BABAM2: variants seen among roughly 807,000 people sequenced by gnomAD.
BABAM2 encodes BRISC and BRCA1-A complex member 2.
BABAM2 carries 31 observed loss-of-function variants against 54.7 expected under a neutral mutation model. That is an observed-to-expected ratio of 0.57 (90% CI 0.43 to 0.77). The LOEUF (loss-of-function observed/expected upper bound fraction) is 0.77. BABAM2 is among the 30% of genes least tolerant of loss of function. The probability of loss-of-function intolerance (pLI) is 0.00; values close to 1 mark genes in which losing one functional copy is unlikely to be tolerated. For missense variants in BABAM2, 364 were observed against 455.8 expected, an observed-to-expected ratio of 0.80 and a Z score of 1.83; for synonymous variants, 167 against 162.9, an observed-to-expected ratio of 1.03 and a Z score of -0.19.
At chr2:28,025,459 C>G (rs754642264) in intron 5 of BABAM2, 39 bp downstream of exon 5, 3 of 1,504,828 alleles carry the variant, frequency 2.0e-6, no homozygotes, top group Non-Finnish European at 2.7e-6. Flanking sequence ...ATGACTTCAT[C>G]CATAATAAAA....
intron 3 of BABAM2, among the ~76,000 whole-genome samples, chr2:27,932,104 G>C (rs7557563): frequency 0.074 from 11,188 of 152,084 alleles, 683 homozygotes; most frequent in African/African-American, 0.16. Context: ...TTTGTAGAAT[G>C]ATTTCTTGAT....
intron 3 of BABAM2, among the ~76,000 whole-genome samples, chr2:27,952,607 G>A (rs956149050): frequency 6.6e-6 from 1 of 152,168 alleles, no homozygotes; most frequent in African/African-American, 2.4e-5. Flanking sequence ...GCTCTTAAGG[G>A]CATTGAACTG....
chr2:28,146,929 A>C (rs1370739337), intron 7 of BABAM2, among the ~76,000 whole-genome samples: 1 of 152,222 alleles, frequency 6.6e-6, no homozygotes, highest in African/African-American at 2.4e-5. Context: ...TTTCTGAATA[A>C]CCTAAACCTG....
intron 6 of BABAM2, among the ~76,000 whole-genome samples, chr2:28,059,763 T>C (rs887731317): frequency 1.3e-5 from 2 of 152,212 alleles, no homozygotes; most frequent in Non-Finnish European, 2.9e-5. Flanking sequence ...GCCAAGGCCA[T>C]ATTTGCTTGT....
intron 8 of BABAM2, among the ~76,000 whole-genome samples, chr2:28,238,113 G>C (rs1325885838): frequency 6.6e-6 from 1 of 152,194 alleles, no homozygotes; most frequent in Non-Finnish European, 1.5e-5. Context: ...GCCTCCCAAA[G>C]TGCTGGGATT....
rs1690779232 is a variant in BABAM2, at chr2:28,329,642, A to G, written c.1089-8808A>G. Among the ~76,000 whole-genome samples the G allele has an allele frequency of 1.3e-5, 2 of 152,228 alleles. No homozygotes were observed. Among genetic ancestry groups the G allele is most frequent in the Admixed American group, 1.3e-4 (2 of 15,284 alleles). ...CCAAGACTGAACCAGAAAGAAGTTG[A>G]ATCCCTGAATAGACCAATAACAAGT... On this transcript the variant is annotated intron_variant, in intron 11 of 11. Coordinates refer to ENST00000379624, the MANE Select transcript of BABAM2 (RefSeq NM_199191.3). This position sits in a 1 kb window ranked among gnomAD's most constrained non-coding sequence, Gnocchi z 4.2.
At chr2:27,971,006 A>G (rs1213765132) in intron 3 of BABAM2, among the ~76,000 whole-genome samples, 1 of 152,134 alleles carries the variant, frequency 6.6e-6, no homozygotes, top group African/African-American at 2.4e-5. Context: ...CAGTGCAGTT[A>G]CCACAAGGCC....
At chr2:27,946,729 G>A (rs1301843640) in intron 3 of BABAM2, among the ~76,000 whole-genome samples, 1 of 152,032 alleles carries the variant, frequency 6.6e-6, no homozygotes, top group East Asian at 1.9e-4. Context: ...AAGAGAGAGA[G>A]TGAGCGAGAG....
chr2:28,241,968 G>A (rs898403852), intron 9 of BABAM2, among the ~76,000 whole-genome samples: 1 of 151,316 alleles, frequency 6.6e-6, no homozygotes, highest in Admixed American at 6.6e-5. Context: ...TAGTAATGGT[G>A]GTAACGGTCA....
chr2:28,288,824 C>T (rs1358228543), intron 10 of BABAM2, among the ~76,000 whole-genome samples: 5 of 152,146 alleles, frequency 3.3e-5, no homozygotes, highest in Non-Finnish European at 4.4e-5. Context: ...CGTGACACCG[C>T]GTGTGTGCCT....
chr2:28,148,379 T>C (rs1180060374), intron 7 of BABAM2, among the ~76,000 whole-genome samples: 1 of 152,178 alleles, frequency 6.6e-6, no homozygotes, highest in East Asian at 1.9e-4. Flanking sequence ...GCATTCCAAA[T>C]TGTATGTGTA....
At chr2:28,212,589 A>G (rs1196737958) in intron 7 of BABAM2, among the ~76,000 whole-genome samples, 1 of 152,188 alleles carries the variant, frequency 6.6e-6, no homozygotes, top group African/African-American at 2.4e-5. Context: ...TATCTTTAGC[A>G]TCAACATTAA....
chr2:28,199,729 T>C (rs556463370), intron 7 of BABAM2, among the ~76,000 whole-genome samples: 2 of 151,994 alleles, frequency 1.3e-5, no homozygotes, highest in Non-Finnish European at 2.9e-5. Context: ...ATAGATTGGG[T>C]TCTAGGAAGG....
intron 3 of BABAM2, among the ~76,000 whole-genome samples, chr2:27,950,140 C>G (rs1212785136): frequency 6.6e-6 from 1 of 152,058 alleles, no homozygotes; most frequent in Non-Finnish European, 1.5e-5. Flanking sequence ...TAACTTGAAG[C>G]TACTTTTAAA....
intron 10 of BABAM2, among the ~76,000 whole-genome samples, chr2:28,297,918 C>T (rs1232433747): frequency 1.3e-5 from 2 of 152,158 alleles, no homozygotes; most frequent in Non-Finnish European, 2.9e-5. Flanking sequence ...CATTGCCCAA[C>T]CCTTGAAGAG....
chr2:28,085,146 A>G lies in BABAM2; in HGVS notation c.570+39347A>G, dbSNP rs542061886. ...AATGCCATTTTTAGTTAGACATGGCATAGGAAATGTTTTAAATAACAAATT... is the reference window on the plus strand; with the variant it reads ...AATGCCATTTTTAGTTAGACATGGCGTAGGAAATGTTTTAAATAACAAATT... On this transcript the variant is annotated intron_variant, in intron 6 of 11. Transcript: ENST00000379624. 2.1e-3 allele frequency among the ~76,000 whole-genome samples: 317 copies of G among 152,364 alleles called. 2 individuals are homozygous for G. Among genetic ancestry groups the G allele is most frequent in the Non-Finnish European group, 3.9e-3 (265 of 68,028 alleles).
intron 6 of BABAM2, among the ~76,000 whole-genome samples, chr2:28,103,520 G>C (rs1383149597): frequency 6.6e-6 from 1 of 152,106 alleles, no homozygotes; most frequent in East Asian, 1.9e-4. Flanking sequence ...TGTTGCCCAG[G>C]CTGGCCTCGA....
At chr2:27,924,798 G>C (rs1388317334) in intron 2 of BABAM2, among the ~76,000 whole-genome samples, 3 of 152,322 alleles carry the variant, frequency 2.0e-5, no homozygotes, top group African/African-American at 7.2e-5. Flanking sequence ...GGTAACTTAA[G>C]AAGAGGAAAC....
chr2:28,197,516 A>C (rs1362717209), intron 7 of BABAM2, among the ~76,000 whole-genome samples: 1 of 152,196 alleles, frequency 6.6e-6, no homozygotes, highest in Non-Finnish European at 1.5e-5. Context: ...TCCTCTTTAC[A>C]ATGATCTAGA....
Sources: allele counts gnomAD v4.1 joint callset (sites outside exome capture counted in the v4.1 genomes callset), GRCh38; gene constraint gnomAD v4.1.1; non-coding constraint Gnocchi (gnomAD v3.1); transcripts MANE v1.5; gene names NCBI Gene and HGNC (gene_info 2026-07-23, HGNC 2026-07-21).